The following CAMK4 variants were observed in gnomAD, a reference collection of about 807,000 sequenced individuals.
CAMK4 encodes calcium/calmodulin dependent protein kinase IV.
Under a neutral mutation model 44.9 loss-of-function variants are expected in CAMK4, and 22 were observed. The ratio of observed to expected loss-of-function variants is 0.49; its 90% CI spans 0.35 to 0.70. The LOEUF is 0.70. Among genes scored for constraint, CAMK4 ranks in the 30% least tolerant of loss-of-function variants. CAMK4 has a pLI of 0.01. For synonymous variants in CAMK4, 218 were observed against 215.4 expected, an observed-to-expected ratio of 1.01 and a Z score of -0.11; for missense variants, 498 against 586.8, an observed-to-expected ratio of 0.85 and a Z score of 1.56.
At chr5:111,354,760 G>C (rs991378131) in intron 2 of CAMK4, among the ~76,000 whole-genome samples, 1 of 151,994 alleles carries the variant, frequency 6.6e-6, no homozygotes, top group African/African-American at 2.4e-5. Context: ...AGAGGAGGAA[G>C]CTTATGTAGC....
At chr5:111,437,042 C>T (rs940355834) in intron 5 of CAMK4, among the ~76,000 whole-genome samples, 2 of 152,160 alleles carry the variant, frequency 1.3e-5, no homozygotes, top group Non-Finnish European at 1.5e-5. Context: ...ATATTCTTAT[C>T]GGTTTTTGGC....
intron 5 of CAMK4, among the ~76,000 whole-genome samples, chr5:111,426,597 A>C (rs915731850): frequency 2.0e-5 from 3 of 152,186 alleles, no homozygotes; most frequent in Non-Finnish European, 4.4e-5. Context: ...TGAAAGAGGC[A>C]CTGAAGAGAT....
chr5:111,376,098 A>G (rs1751202653), intron 3 of CAMK4, among the ~76,000 whole-genome samples: 1 of 152,002 alleles, frequency 6.6e-6, no homozygotes, highest in African/African-American at 2.4e-5. Flanking sequence ...AGTTCTGTTT[A>G]TATTAAAGTA....
intron 1 of CAMK4, among the ~76,000 whole-genome samples, chr5:111,278,291 A>G (rs547939100): frequency 6.6e-6 from 1 of 152,208 alleles, no homozygotes. Context: ...TTGGAAATGG[A>G]CATTGACTCA....
At chr5:111,441,125 TAATA>T (rs1471131172) in intron 5 of CAMK4, among the ~76,000 whole-genome samples, 1 of 152,174 alleles carries the variant, frequency 6.6e-6, no homozygotes, top group Non-Finnish European at 1.5e-5. Context: ...AGTCTTTCTT[TAATA>T]ATTGTTTCAG....
At chr5:111,420,071 A>C (rs1752968386) in intron 5 of CAMK4, among the ~76,000 whole-genome samples, 2 of 151,102 alleles carry the variant, frequency 1.3e-5, no homozygotes, top group African/African-American at 4.9e-5. Context: ...CTTCCTACCC[A>C]TGAGCATGGA....
intron 2 of CAMK4, among the ~76,000 whole-genome samples, chr5:111,344,329 G>T (rs1749777169): frequency 6.6e-6 from 1 of 151,548 alleles, no homozygotes; most frequent in South Asian, 2.1e-4. Flanking sequence ...GAGAAGATTG[G>T]CAAGGAAAAA....
At chr5:111,236,122 A>G (rs779314511) in intron 1 of CAMK4, among the ~76,000 whole-genome samples, 4 of 152,242 alleles carry the variant, frequency 2.6e-5, no homozygotes, top group Non-Finnish European at 5.9e-5. Flanking sequence ...ATGAGATCAC[A>G]AATGTGAAAC....
At chr5:111,321,354 A>C (rs1748654120) in intron 1 of CAMK4, among the ~76,000 whole-genome samples, 1 of 152,174 alleles carries the variant, frequency 6.6e-6, no homozygotes, top group African/African-American at 2.4e-5. Context: ...CAAAACATTC[A>C]GCATTTTTTA....
chr5:111,245,509 T>C (rs1580472731), intron 1 of CAMK4, among the ~76,000 whole-genome samples: 1 of 152,340 alleles, frequency 6.6e-6, no homozygotes, highest in Admixed American at 6.5e-5. Context: ...CCTTTCTTGG[T>C]CTACTTTCTC....
intron 1 of CAMK4, among the ~76,000 whole-genome samples, chr5:111,325,836 C>T (rs1025940887): frequency 2.6e-5 from 4 of 151,924 alleles, no homozygotes; most frequent in East Asian, 1.9e-4. Flanking sequence ...TGCCTGTTCA[C>T]TCTGATGAGT....
At chr5:111,361,799 C>T (rs1365607643) in intron 2 of CAMK4, among the ~76,000 whole-genome samples, 1 of 151,930 alleles carries the variant, frequency 6.6e-6, no homozygotes, top group African/African-American at 2.4e-5. Context: ...TTTTGATTAA[C>T]CTCAGGCAGG....
At chr5:111,370,936 G>A (rs575065087) in intron 2 of CAMK4, among the ~76,000 whole-genome samples, 19 of 73,786 alleles carry the variant, frequency 2.6e-4, no homozygotes, top group African/African-American at 6.1e-4. Flanking sequence ...CAAAAACAAC[G>A]TGTATCCTTA....
intron 1 of CAMK4, among the ~76,000 whole-genome samples, chr5:111,225,757 C>A (rs1551566): frequency 0.21 from 31,292 of 152,114 alleles, 3,513 homozygotes; most frequent in Non-Finnish European, 0.26. Context: ...TCTCCCCCCA[C>A]TTTGCTAGTA....
intron 1 of CAMK4, among the ~76,000 whole-genome samples, chr5:111,261,893 C>A (rs1447391545): frequency 2.6e-5 from 4 of 151,954 alleles, no homozygotes; most frequent in African/African-American, 9.7e-5. Context: ...TTCCTCTTTA[C>A]ATGCTTAGCC....
intron 2 of CAMK4, among the ~76,000 whole-genome samples, chr5:111,374,270 A>G (rs1464997820): frequency 6.6e-6 from 1 of 152,178 alleles, no homozygotes; most frequent in African/African-American, 2.4e-5. Flanking sequence ...TATTAGAAGC[A>G]GACTGTATCC....
In CAMK4 at chr5:111,487,484, ACAAGTGCATTATATAAATATAATG is replaced by A. The variant is rs1361635312; in HGVS notation, c.*3023_*3046del. The A allele has an allele frequency of 6.6e-6, 1 of 152,190 alleles. No individual in the cohort carries two copies. Among genetic ancestry groups the A allele is most frequent in the Non-Finnish European group, 1.5e-5 (1 of 68,026 alleles). 9.4% of individuals were successfully genotyped at this position (152,190 alleles called of 1,614,324 possible). On this transcript the variant is annotated 3_prime_UTR_variant, in exon 11 of 11. Transcript: ENST00000282356. ...TCGTGGTAGAAGTTAATTGTCCAGA[ACAAGTGCATTATATAAATATAATG>A]CAAGCACATGTCATTTAAGATTTTC...
chr5:111,292,259 A>G (rs557208501), intron 1 of CAMK4, among the ~76,000 whole-genome samples: 2 of 152,210 alleles, frequency 1.3e-5, no homozygotes, highest in Non-Finnish European at 2.9e-5. Flanking sequence ...TTTCAGCAAC[A>G]TTCTATATTG....
chr5:111,425,046 C>T (rs1753172543), intron 5 of CAMK4, among the ~76,000 whole-genome samples: 1 of 151,668 alleles, frequency 6.6e-6, no homozygotes, highest in Non-Finnish European at 1.5e-5. Context: ...CACTTGTAGC[C>T]CAGCTACTTG....
Sources: gnomAD v4.1 joint callset for allele counts (sites outside exome capture counted in the v4.1 genomes callset) on GRCh38, gnomAD v4.1.1 for gene constraint, MANE v1.5 for transcripts, NCBI Gene and HGNC (gene_info 2026-07-23, HGNC 2026-07-21) for gene names.